ZNF705G: variants seen among roughly 807,000 people sequenced by gnomAD.
ZNF705G encodes putative zinc finger protein 705G.
Under a neutral mutation model 19.6 loss-of-function variants are expected in ZNF705G, and 23 were observed. The observed-to-expected ratio is 1.17, with a 90% confidence interval of 0.84 to 1.66. ZNF705G has a LOEUF of 1.66. ZNF705G is among the 40% of genes most tolerant of loss of function. The pLI, the probability that ZNF705G is intolerant of heterozygous loss-of-function variation, is 0.00. For missense variants in ZNF705G, 457 were observed against 354.4 expected, an observed-to-expected ratio of 1.29 and a Z score of -2.32; for synonymous variants, 146 against 117.7, an observed-to-expected ratio of 1.24 and a Z score of -1.56.
At chr8:7,362,748 A>G (rs1806661842) in intron 3 of ZNF705G, among the ~76,000 whole-genome samples, 187 bp downstream of exon 3, 1 of 149,430 alleles carries the variant, frequency 6.7e-6, no homozygotes, top group Non-Finnish European at 1.5e-5. Flanking sequence ...AGAAAACTTA[A>G]TGGGGGGCCA....
intron 6 of ZNF705G, 98 bp from the exon 7 acceptor site, chr8:7,358,658 G>T: frequency 6.5e-7 from 1 of 1,537,382 alleles, no homozygotes; most frequent in African/African-American, 1.5e-5. Context: ...TTCAGTGGTA[G>T]ACCCCAGTTG....
At position 7,360,228 on chromosome 8, in the gene ZNF705G, G is replaced by A. The variant is rs772884666; in HGVS notation, c.235+9C>T. On this transcript the variant is annotated intron_variant, in intron 5 of 6. Coordinates refer to ENST00000400156, the MANE Select transcript of ZNF705G (RefSeq NM_001164457.3). ...TCCTCCTATTAGAGCACAGGACCCT[G>A]TTGCTTACTTGGATTCTGGTCTTGA... 1 of 1,591,920 alleles carries A rather than the reference G, an allele frequency of 6.3e-7. No homozygotes were observed. The highest frequency in any genetic ancestry group is 2.2e-5 in the East Asian group (1 of 44,846).
In ZNF705G at chr8:7,370,995, C is replaced by T. The variant is rs1023640127; in HGVS notation, c.-71-7978G>A. ...ACCAAGCACTGCACGTTCTAACTTA[C>T]AAGTGGGAGCAGAACGGTGAGAACA... On this transcript the variant is annotated intron_variant, in intron 2 of 6. Transcript: ENST00000400156. Among the ~76,000 whole-genome samples the T allele has an allele frequency of 7.2e-4, 93 of 129,394 alleles. No individual in the cohort carries two copies. In the East Asian group the frequency reaches 0.022, roughly 31 times the overall value. 84.9% of individuals were successfully genotyped at this position (129,394 alleles called of 152,430 possible).
At position 7,356,899 on chromosome 8, in the gene ZNF705G, G is replaced by A. The variant is rs1000888004; in HGVS notation, c.*1077C>T. On this transcript the variant is annotated 3_prime_UTR_variant, in exon 7 of 7. Coordinates refer to ENST00000400156, the MANE Select transcript of ZNF705G (RefSeq NM_001164457.3). ...TAATTCTGCACGCAATTTATTCCCT[G>A]GTCACTTTGCTATTATGCATTTACA... is the stretch of plus-strand genomic sequence containing the variant. 7 of 149,854 alleles carry A rather than the reference G, an allele frequency of 4.7e-5. 2 individuals carry two copies. Among genetic ancestry groups the A allele is most frequent in the African/African-American group, 1.8e-4 (7 of 39,262 alleles). 9.3% of individuals were successfully genotyped at this position (149,854 alleles called of 1,614,324 possible). A position where few individuals can be genotyped will look rare whatever the true frequency, so the allele number is the denominator to read the frequency against.
chr8:7,363,543 G>C (rs1585413106), intron 2 of ZNF705G, among the ~76,000 whole-genome samples: 2 of 149,794 alleles, frequency 1.3e-5, no homozygotes, highest in African/African-American at 2.6e-5. Context: ...TTTTAGGGTG[G>C]AGTGTGGTGG....
rs1806177660 is a variant in ZNF705G at position 7,355,619 on chromosome 8, T to A, written c.*2357A>T. The A allele has an allele frequency of 6.7e-6, 1 of 149,748 alleles. No homozygotes were observed. The highest frequency in any genetic ancestry group is 1.5e-5 in the Non-Finnish European group (1 of 68,022). 9.3% of individuals were successfully genotyped at this position (149,748 alleles called of 1,614,324 possible). The stretch of plus-strand genomic sequence containing the variant: ...CCCTCTATGTGGAGGGAAGACGAGC[T>A]TGAATAAGAGAAGCATTCTGTGTTA... On this transcript the variant is annotated 3_prime_UTR_variant, in exon 7 of 7. Transcript: ENST00000400156.
At chr8:7,370,433 A>G (rs1247518971) in intron 2 of ZNF705G, among the ~76,000 whole-genome samples, 1 of 149,756 alleles carries the variant, frequency 6.7e-6, no homozygotes, top group Non-Finnish European at 1.5e-5. Flanking sequence ...TATTATCAAA[A>G]AGATGTATAA....
At chr8:7,370,047 T>A (rs1271063200) in intron 2 of ZNF705G, among the ~76,000 whole-genome samples, 1 of 148,434 alleles carries the variant, frequency 6.7e-6, no homozygotes, top group East Asian at 1.9e-4. Flanking sequence ...AAGTTGAATT[T>A]TTTTTTAAAA....
chr8:7,381,026 C>CAACAAAAAA (rs1807473032), intron 2 of ZNF705G, among the ~76,000 whole-genome samples: 1 of 12,318 alleles, frequency 8.1e-5, no homozygotes, highest in African/African-American at 9.4e-4. Flanking sequence ...AAACCACCAC[C>CAACAAAAAA]AAAAAAAAAA....
intron 2 of ZNF705G, among the ~76,000 whole-genome samples, chr8:7,369,608 T>A (rs1807008216): frequency 6.7e-6 from 1 of 149,668 alleles, no homozygotes; most frequent in South Asian, 2.1e-4. Context: ...ATATATTTAT[T>A]ATAGCATTAT....
At position 7,356,567 on chromosome 8, in the gene ZNF705G, G is replaced by C. The variant is rs534222443; in HGVS notation, c.*1409C>G. 6.7e-6 allele frequency: 1 copy of C among 149,652 alleles called. No individual in the cohort carries two copies. The highest frequency in any genetic ancestry group is 1.5e-5 in the Non-Finnish European group (1 of 68,024). 9.3% of individuals were successfully genotyped at this position (149,652 alleles called of 1,614,324 possible). ...AATGACACACTGAGAAATCTAGCAA[G>C]TGGGGCTGAAGATCCCTGGTGTGTC... On this transcript the variant is annotated 3_prime_UTR_variant, in exon 7 of 7. Transcript: ENST00000400156.
intron 2 of ZNF705G, among the ~76,000 whole-genome samples, chr8:7,378,285 TAA>T (rs1305908104): frequency 8.2e-5 from 11 of 134,904 alleles, no homozygotes; most frequent in Admixed American, 7.9e-4. Context: ...ATCTAAATTA[TAA>T]AAAGAGTTGC....
Position 7,361,205 on chromosome 8 carries a change from T to A in ZNF705G, c.44A>T (p.Asp15Val). 6.3e-7 allele frequency: 1 copy of A among 1,592,828 alleles called. No homozygotes were observed. The highest frequency in any genetic ancestry group is 8.5e-7 in the Non-Finnish European group (1 of 1,179,406). ...KKLTFEDVAI[D>V]FTQEEWAMMD... ...CATGGCCCACTCTTCCTGGGTGAAG[T>A]CAATAGCTACATCTTCAAAAGTCAG... is the stretch of plus-strand genomic sequence containing the variant. Residue 15 changes from aspartate (D) to valine (V), a missense_variant, in exon 4 of 7, where the codon GAC becomes GTC. Coordinates refer to ENST00000400156, the MANE Select transcript of ZNF705G (RefSeq NM_001164457.3).
At chr8:7,385,258 C>T (rs1807675719) in intron 1 of ZNF705G, among the ~76,000 whole-genome samples, 1 of 149,218 alleles carries the variant, frequency 6.7e-6, no homozygotes, top group Non-Finnish European at 1.5e-5. Context: ...AATACTATTG[C>T]ATTGGGGATT....
chr8:7,361,234 C>A lies in ZNF705G; in HGVS notation c.15G>T (p.Lys5Asn). 6.3e-7 allele frequency: 1 copy of A among 1,592,504 alleles called. No individual in the cohort carries two copies. The highest frequency in any genetic ancestry group is 8.5e-7 in the Non-Finnish European group (1 of 1,179,318). MHSL[K>N]KLTFEDVAID... ...TAGCTACATCTTCAAAAGTCAGTTT[C>A]TTCTAAAACATCACAGACATTTTAG... The change falls in exon 4 of 7, where the codon AAG (lysine) becomes AAT (asparagine). Residue 5 changes from lysine (K) to asparagine (N), a missense_variant and splice_region_variant. By Grantham distance (94) the Lys-to-Asn change is moderately conservative (BLOSUM62 0). Transcript: ENST00000400156.
At chr8:7,383,309 A>T (rs1310830734) in intron 1 of ZNF705G, among the ~76,000 whole-genome samples, 1 of 147,304 alleles carries the variant, frequency 6.8e-6, no homozygotes, top group Non-Finnish European at 1.5e-5. Context: ...ATACACGGTA[A>T]AACACTGAAA....
Position 7,361,001 on chromosome 8 carries a change from G to C in ZNF705G, c.139+109C>G, listed in dbSNP as rs1250551865. 30 of 1,571,590 alleles carry C rather than the reference G, an allele frequency of 1.9e-5. 1 individual carries two copies. The highest frequency in any genetic ancestry group is 4.4e-5 in the African/African-American group (3 of 68,246). The stretch of plus-strand genomic sequence containing the variant: ...AACCTTTTTCAGATGAGATCTGTGA[G>C]AGAATCAGAGAAGAGATTAGAGTGA... On this transcript the variant is annotated intron_variant, in intron 4 of 6. Coordinates refer to ENST00000400156, the MANE Select transcript of ZNF705G (RefSeq NM_001164457.3).
chr8:7,365,075 AG>A (rs1165154737), intron 2 of ZNF705G, among the ~76,000 whole-genome samples: 3 of 149,502 alleles, frequency 2.0e-5, no homozygotes, highest in Non-Finnish European at 2.9e-5. Context: ...CCAGGGACAA[AG>A]AAAGGACAAA....
chr8:7,383,658 T>G (rs1401478284), intron 1 of ZNF705G, among the ~76,000 whole-genome samples: 2 of 148,882 alleles, frequency 1.3e-5, no homozygotes, highest in Admixed American at 6.6e-5. Context: ...GTGCGGGCTT[T>G]GAGGAGGTGA....
Sources: gnomAD v4.1 joint callset for allele counts (sites outside exome capture counted in the v4.1 genomes callset) on GRCh38, gnomAD v4.1.1 for gene constraint, MANE v1.5 for transcripts, NCBI Gene and HGNC (gene_info 2026-07-23, HGNC 2026-07-21) for gene names.